PCLAF: variants seen among roughly 807,000 people sequenced by gnomAD.
PCLAF encodes PCNA clamp associated factor, also known as PCNA-associated factor.
PCLAF carries 12 observed loss-of-function variants against 15.1 expected under a neutral mutation model. The ratio of observed to expected loss-of-function variants is 0.79; its 90% CI spans 0.51 to 1.29. The LOEUF is 1.29. Among genes scored for constraint, PCLAF ranks in the 50% most tolerant of loss-of-function variants. The pLI, the probability that PCLAF is intolerant of heterozygous loss-of-function variation, is 0.00. For synonymous variants in PCLAF, 33 were observed against 47.1 expected, an observed-to-expected ratio of 0.70 and a Z score of 1.22; for missense variants, 116 against 130.9, an observed-to-expected ratio of 0.89 and a Z score of 0.56.
At chr15:64,386,648 T>G (rs867559047) in intron 1 of PCLAF, among the ~76,000 whole-genome samples, 4 of 141,804 alleles carry the variant, frequency 2.8e-5, no homozygotes, top group Non-Finnish European at 4.6e-5. Flanking sequence ...GTGTGTGTGT[T>G]TGTGTGTGTG....
chr15:64,383,286 C>T (rs569975800), upstream of PCLAF, among the ~76,000 whole-genome samples: 38 of 151,970 alleles, frequency 2.5e-4, no homozygotes, highest in African/African-American at 8.4e-4. Context: ...CCAAATCAAC[C>T]GGAAAAATCC....
upstream of PCLAF, chr15:64,381,576 C>G: frequency 7.1e-7 from 1 of 1,410,860 alleles, no homozygotes. Context: ...GTGACAGCGG[C>G]GAGGCTTCTT....
At chr15:64,387,494 T>C (rs1899973749) in exon 1 of PCLAF, 6 of 1,287,022 alleles carry the variant, frequency 4.7e-6, no homozygotes, top group Non-Finnish European at 6.0e-6. Context: ...CATAAAACCA[T>C]GACGATTAAA....
intron 3 of PCLAF, among the ~76,000 whole-genome samples, chr15:64,366,769 T>C (rs1899049473): frequency 6.6e-6 from 1 of 152,066 alleles, no homozygotes; most frequent in African/African-American, 2.4e-5. Flanking sequence ...GGTCAGGAAT[T>C]CGAGACCAGC....
At chr15:64,373,581 T>G (rs1899446760) in intron 3 of PCLAF, 1 of 1,436,772 alleles carries the variant, frequency 7.0e-7, no homozygotes, top group Middle Eastern at 2.5e-4. Flanking sequence ...GGCTTTGTGG[T>G]TTCGGCTGCA....
intron 3 of PCLAF, among the ~76,000 whole-genome samples, chr15:64,369,194 T>C (rs963400338): frequency 2.6e-5 from 4 of 151,824 alleles, no homozygotes; most frequent in Non-Finnish European, 5.9e-5. Flanking sequence ...AGGCCTGGTC[T>C]CTACTAAAAA....
At chr15:64,376,568 C>T (rs575456048) in intron 3 of PCLAF, among the ~76,000 whole-genome samples, 175 bp downstream of exon 3, 1 of 152,210 alleles carries the variant, frequency 6.6e-6, no homozygotes, top group East Asian at 1.9e-4. Context: ...AACAGGTGTG[C>T]ACCAGCACGC....
At chr15:64,374,883 AG>A (rs1318097788) in intron 3 of PCLAF, among the ~76,000 whole-genome samples, 5 of 151,806 alleles carry the variant, frequency 3.3e-5, no homozygotes, top group African/African-American at 9.7e-5. Flanking sequence ...AAAGAAAAAA[AG>A]GAAAAAAGGA....
At chr15:64,376,656 T>C in intron 3 of PCLAF, 87 bp downstream of exon 3, 1 of 1,061,462 alleles carries the variant, frequency 9.4e-7, no homozygotes, top group Non-Finnish European at 1.4e-6. Flanking sequence ...TGGCCTCAAG[T>C]GATCCTCCCG....
upstream of PCLAF, among the ~76,000 whole-genome samples, chr15:64,384,497 AT>A (rs1899895262): frequency 6.6e-6 from 1 of 150,658 alleles, no homozygotes; most frequent in Non-Finnish European, 1.5e-5. Context: ...AATCCCAGCA[AT>A]TTGGGAGGCA....
intron 3 of PCLAF, among the ~76,000 whole-genome samples, chr15:64,370,526 C>A (rs1475236765): frequency 6.6e-6 from 1 of 151,876 alleles, no homozygotes; most frequent in Non-Finnish European, 1.5e-5. Flanking sequence ...TGCCACCAAG[C>A]CCAGCTAATT....
chr15:64,366,569 G>C (rs1293367262), intron 3 of PCLAF, among the ~76,000 whole-genome samples: 3 of 152,144 alleles, frequency 2.0e-5, no homozygotes, highest in Non-Finnish European at 2.9e-5. Flanking sequence ...CAGACACAGT[G>C]ACTTACACTC....
intron 3 of PCLAF, among the ~76,000 whole-genome samples, chr15:64,372,321 A>G (rs1899357332): frequency 6.6e-6 from 1 of 152,194 alleles, no homozygotes; most frequent in East Asian, 1.9e-4. Context: ...CCACATAGAA[A>G]GTAAAATGCA....
chr15:64,382,131 C>A (rs1474996876), upstream of PCLAF, among the ~76,000 whole-genome samples: 1 of 152,168 alleles, frequency 6.6e-6, no homozygotes, highest in Non-Finnish European at 1.5e-5. Flanking sequence ...GGACTCATGG[C>A]TGTAATCCCA....
At chr15:64,382,946 C>T, upstream of PCLAF, 1 of 166,910 alleles carries the variant, frequency 6.0e-6, no homozygotes, top group African/African-American at 2.4e-5. Context: ...GAGCCGAGAT[C>T]ACGCTACTGC....
chr15:64,368,748 A>G (rs1289007101), intron 3 of PCLAF, among the ~76,000 whole-genome samples: 1 of 148,904 alleles, frequency 6.7e-6, no homozygotes, highest in Non-Finnish European at 1.5e-5. Context: ...CACAGATTTT[A>G]TAATACCATG....
At chr15:64,371,477 GT>G (rs1899311664) in intron 3 of PCLAF, among the ~76,000 whole-genome samples, 1 of 151,982 alleles carries the variant, frequency 6.6e-6, no homozygotes, top group Non-Finnish European at 1.5e-5. Context: ...TTTTGGCCAG[GT>G]TAGTCTCAAA....
At chr15:64,369,593 T>C (rs1899196485) in intron 3 of PCLAF, among the ~76,000 whole-genome samples, 1 of 152,078 alleles carries the variant, frequency 6.6e-6, no homozygotes, top group African/African-American at 2.4e-5. Context: ...TCTCACTTTG[T>C]TGCCCAGGCT....
chr15:64,382,862 T>G (rs1899858593), upstream of PCLAF: 1 of 269,162 alleles, frequency 3.7e-6, no homozygotes. Flanking sequence ...AGTGGCGGCA[T>G]GTGCCTGTAG....
Sources: allele counts gnomAD v4.1 joint callset (sites outside exome capture counted in the v4.1 genomes callset), GRCh38; gene constraint gnomAD v4.1.1; transcripts MANE v1.5; gene names NCBI Gene and HGNC (gene_info 2026-07-23, HGNC 2026-07-21).